THSD4: variants seen among roughly 807,000 people sequenced by gnomAD.
The protein encoded by THSD4 is thrombospondin type-1 domain-containing protein 4.
In THSD4, 69 loss-of-function variants were observed where a neutral mutation model predicts 119.0. The ratio of observed to expected loss-of-function variants is 0.58; its 90% CI spans 0.48 to 0.71. The LOEUF (loss-of-function observed/expected upper bound fraction) is 0.71. THSD4 is among the 30% of genes least tolerant of loss of function. THSD4 has a pLI of 0.00. For missense variants in THSD4, 1,393 were observed against 1,391.1 expected, an observed-to-expected ratio of 1.00 and a Z score of -0.02; for synonymous variants, 524 against 540.4, an observed-to-expected ratio of 0.97 and a Z score of 0.42.
At chr15:71,719,360 A>T (rs2052671036) in intron 8 of THSD4, among the ~76,000 whole-genome samples, 1 of 152,138 alleles carries the variant, frequency 6.6e-6, no homozygotes, top group Non-Finnish European at 1.5e-5. Flanking sequence ...CTGAAAAAAA[A>T]TTACTGTGTG....
intron 8 of THSD4, among the ~76,000 whole-genome samples, chr15:71,718,861 A>G (rs141078170): frequency 0.012 from 1,874 of 152,084 alleles, 21 homozygotes; most frequent in Non-Finnish European, 0.02. Flanking sequence ...TCTCGTGGAA[A>G]TTTTACCAGC....
At chr15:71,141,577 T>A (rs1186583675) in intron 2 of THSD4, 21 bp downstream of exon 2, 48 of 1,601,926 alleles carry the variant, frequency 3.0e-5, no homozygotes, top group Non-Finnish European at 3.9e-5. Context: ...AAACTTTTTT[T>A]AAAAAAACAG....
chr15:71,151,603 T>C (rs532269342), intron 2 of THSD4, among the ~76,000 whole-genome samples: 1 of 152,286 alleles, frequency 6.6e-6, no homozygotes, highest in African/African-American at 2.4e-5. Flanking sequence ...CCATGGAGCA[T>C]GGACTTGTGA....
chr15:71,628,669 G>A (rs2050554953), intron 7 of THSD4, among the ~76,000 whole-genome samples: 1 of 152,194 alleles, frequency 6.6e-6, no homozygotes, highest in Non-Finnish European at 1.5e-5. Flanking sequence ...GTGACACTTT[G>A]CGTAACAAGG....
intron 7 of THSD4, among the ~76,000 whole-genome samples, chr15:71,477,091 C>G (rs767767411): frequency 6.6e-6 from 1 of 152,186 alleles, no homozygotes; most frequent in Non-Finnish European, 1.5e-5. Flanking sequence ...AGATAATTTG[C>G]AGTACAGTTC....
At chr15:71,482,735 G>A (rs1190389483) in intron 7 of THSD4, among the ~76,000 whole-genome samples, 9 of 152,044 alleles carry the variant, frequency 5.9e-5, no homozygotes, top group South Asian at 2.1e-4. Flanking sequence ...ACAGGTGGCC[G>A]CCTCCACACA....
intron 7 of THSD4, among the ~76,000 whole-genome samples, chr15:71,524,763 A>ATTTTTTTTTTT (rs35666244): frequency 2.1e-4 from 24 of 116,096 alleles, no homozygotes; most frequent in African/African-American, 5.0e-4. Flanking sequence ...CGCCCGGCTA[A>ATTTTTTTTTTT]TTTTTTTTTT....
chr15:71,195,567 C>T (rs770677621), intron 3 of THSD4, among the ~76,000 whole-genome samples: 4 of 152,096 alleles, frequency 2.6e-5, no homozygotes, highest in Non-Finnish European at 4.4e-5. Context: ...AATAACAAGT[C>T]CAGTTAAAAA....
intron 7 of THSD4, among the ~76,000 whole-genome samples, chr15:71,493,368 T>C (rs983245052): frequency 6.6e-6 from 1 of 152,232 alleles, no homozygotes; most frequent in African/African-American, 2.4e-5. Context: ...TATCCTTTCC[T>C]CTGAGTTTGG....
chr15:71,330,514 G>A (rs935607983), intron 6 of THSD4, among the ~76,000 whole-genome samples: 6 of 152,072 alleles, frequency 3.9e-5, no homozygotes, highest in Non-Finnish European at 5.9e-5. Flanking sequence ...AAGTTGCTTC[G>A]CCATTCTGAA....
chr15:71,563,349 C>T lies in THSD4; in HGVS notation c.1153-97181C>T, dbSNP rs117505086. ...AAGACTCTGTTAGTACCCTGAAGGC[C>T]GCTTACTTGGAACCGTATCTTCTAA... On this transcript the variant is annotated intron_variant, in intron 7 of 17. Transcript: ENST00000261862. 2.1e-4 allele frequency among the ~76,000 whole-genome samples: 32 copies of T among 152,212 alleles called. No individual in the cohort carries two copies. In the East Asian group the frequency reaches 3.9e-3, roughly 18 times the overall value.
intron 8 of THSD4, among the ~76,000 whole-genome samples, chr15:71,720,969 A>G (rs1211255562): frequency 2.6e-5 from 4 of 152,268 alleles, no homozygotes; most frequent in African/African-American, 7.2e-5. Context: ...AAAGAAGGAA[A>G]CAAACATTTA....
At chr15:71,139,710 C>T (rs2040585110) in intron 1 of THSD4, among the ~76,000 whole-genome samples, 2 of 152,198 alleles carry the variant, frequency 1.3e-5, no homozygotes, top group Non-Finnish European at 2.9e-5. Context: ...GTTCTCATGA[C>T]TATCTTTTTG....
chr15:71,224,401 G>C (rs2043997999), intron 4 of THSD4, among the ~76,000 whole-genome samples: 1 of 152,162 alleles, frequency 6.6e-6, no homozygotes, highest in Non-Finnish European at 1.5e-5. Context: ...ACAGTGTAAA[G>C]CCCATCTAAA....
chr15:71,750,032 G>A (rs544040033), intron 14 of THSD4, among the ~76,000 whole-genome samples: 99 of 152,284 alleles, frequency 6.5e-4, no homozygotes, highest in African/African-American at 2.1e-3. Context: ...CCTGGCCACA[G>A]CCTACATTTC....
At chr15:71,388,532 A>C (rs552172269) in intron 6 of THSD4, among the ~76,000 whole-genome samples, 1 of 152,176 alleles carries the variant, frequency 6.6e-6, no homozygotes, top group South Asian at 2.1e-4. Context: ...TGAAGGGGGG[A>C]AAAATAAAAA....
At chr15:71,131,687 T>C (rs1036947516) in intron 1 of THSD4, among the ~76,000 whole-genome samples, 2 of 152,196 alleles carry the variant, frequency 1.3e-5, no homozygotes, top group Non-Finnish European at 2.9e-5. Context: ...CCAGAAGATT[T>C]CCTCCTGGGA....
intron 7 of THSD4, among the ~76,000 whole-genome samples, chr15:71,493,185 A>G (rs1038024054): frequency 4.6e-5 from 7 of 152,212 alleles, no homozygotes; most frequent in Non-Finnish European, 7.3e-5. Flanking sequence ...GCCCCTCGTC[A>G]GATTTCATGG....
intron 10 of THSD4, chr15:71,733,989 T>C (rs1212395144): frequency 6.6e-6 from 1 of 151,956 alleles, no homozygotes; most frequent in East Asian, 1.9e-4. Context: ...TTGTTGTTAT[T>C]GCTGAAATGG....
Sources: allele counts gnomAD v4.1 joint callset (sites outside exome capture counted in the v4.1 genomes callset), GRCh38; gene constraint gnomAD v4.1.1; transcripts MANE v1.5; gene names NCBI Gene and HGNC (gene_info 2026-07-23, HGNC 2026-07-21).